ASAP1: variants seen among roughly 807,000 people sequenced by gnomAD.
The protein encoded by ASAP1 is ArfGAP with SH3 domain, ankyrin repeat and PH domain 1, also known as arf-GAP with SH3 domain, ANK repeat and PH domain-containing protein 1.
Under a neutral mutation model 145.2 loss-of-function variants are expected in ASAP1, and 43 were observed. The observed-to-expected ratio is 0.30, with a 90% CI of 0.23 to 0.38. The LOEUF (loss-of-function observed/expected upper bound fraction) is 0.38. Among genes scored for constraint, ASAP1 ranks in the 10% least tolerant of loss-of-function variants. The pLI is 1.00. For missense variants in ASAP1, 1,018 were observed against 1,355.3 expected (o/e 0.75, Z 3.91); for synonymous variants, 546 against 515.5 (o/e 1.06, Z -0.80).
In ASAP1 at chr8:130,139,545, G is replaced by GT. The variant is rs755260154; in HGVS notation, c.1081-2508_1081-2507insA. Among the ~76,000 whole-genome samples the GT allele has an allele frequency of 3.0e-3, 454 of 152,170 alleles. 2 individuals are homozygous for GT. The highest frequency in any genetic ancestry group is 5.1e-3 in the Non-Finnish European group (348 of 67,996). On this transcript the variant is annotated intron_variant, in intron 13 of 29. Coordinates refer to ENST00000518721, the MANE Select transcript of ASAP1 (RefSeq NM_018482.4). ...GTTCAAGACCAGCCTGGCCAACGTG[G>GT]CGAAACCCCGTTGTCTCTACTGAAA... is the stretch of plus-strand genomic sequence containing the variant.
chr8:130,300,149 C>CAGAGAGAGAGAG (rs1248977728), intron 3 of ASAP1, among the ~76,000 whole-genome samples: 75 of 88,684 alleles, frequency 8.5e-4, no homozygotes, highest in African/African-American at 3.0e-3. Context: ...CACACACACA[C>CAGAGAGAGAGAG]ACACAGAGAG....
At chr8:130,359,451 A>G (rs1017368888) in intron 2 of ASAP1, among the ~76,000 whole-genome samples, 10 of 150,496 alleles carry the variant, frequency 6.6e-5, no homozygotes, top group Admixed American at 5.9e-4. Context: ...GAAGAAGAAG[A>G]AAAAAAAAGC....
intron 13 of ASAP1, among the ~76,000 whole-genome samples, chr8:130,148,432 T>C (rs902412870): frequency 5.3e-5 from 8 of 152,222 alleles, no homozygotes; most frequent in African/African-American, 1.7e-4. Flanking sequence ...ATGAGTAAGA[T>C]GCGGTCCCTA....
chr8:130,134,943 C>T (rs2097591094), intron 14 of ASAP1, among the ~76,000 whole-genome samples: 1 of 152,184 alleles, frequency 6.6e-6, no homozygotes, highest in Non-Finnish European at 1.5e-5. Flanking sequence ...ACATACTATG[C>T]CCCAGATGTT....
chr8:130,090,387 CT>C (rs2097503041), intron 25 of ASAP1, among the ~76,000 whole-genome samples: 1 of 152,156 alleles, frequency 6.6e-6, no homozygotes. Context: ...GGGGAAAGGC[CT>C]TTTTGATGAA....
chr8:130,144,979 A>C (rs1433710303), intron 13 of ASAP1, among the ~76,000 whole-genome samples: 2 of 152,224 alleles, frequency 1.3e-5, no homozygotes, highest in African/African-American at 4.8e-5. Flanking sequence ...TGTTCCACTC[A>C]AATCAACATT....
At chr8:130,294,591 T>G (rs1822146983) in intron 3 of ASAP1, among the ~76,000 whole-genome samples, 1 of 152,252 alleles carries the variant, frequency 6.6e-6, no homozygotes, top group African/African-American at 2.4e-5. Context: ...ATCTAAAGTA[T>G]GTTTAAGTGT....
At chr8:130,211,872 C>T (rs16904218) in intron 5 of ASAP1, among the ~76,000 whole-genome samples, 3,936 of 152,246 alleles carry the variant, frequency 0.026, 167 homozygotes, top group African/African-American at 0.089. Context: ...ACGTTTCTGG[C>T]CTTCACTAGC....
intron 11 of ASAP1, among the ~76,000 whole-genome samples, chr8:130,166,282 T>C (rs910236617): frequency 6.6e-6 from 1 of 152,204 alleles, no homozygotes; most frequent in African/African-American, 2.4e-5. Flanking sequence ...ATGTTTGGAT[T>C]ACAGGCATGA....
At chr8:130,282,692 G>A (rs1188554034) in intron 3 of ASAP1, among the ~76,000 whole-genome samples, 1 of 152,068 alleles carries the variant, frequency 6.6e-6, no homozygotes, top group African/African-American at 2.4e-5. Flanking sequence ...CCACATTATT[G>A]GGGAAAATAT....
At chr8:130,442,692 A>G (rs913492362) in intron 1 of ASAP1, among the ~76,000 whole-genome samples, 4 of 152,228 alleles carry the variant, frequency 2.6e-5, no homozygotes, top group African/African-American at 9.6e-5. Flanking sequence ...TCTGCAGTTG[A>G]CCATCCTTCT....
intron 25 of ASAP1, among the ~76,000 whole-genome samples, chr8:130,085,243 C>T (rs1339731556): frequency 2.0e-5 from 3 of 152,200 alleles, no homozygotes; most frequent in African/African-American, 4.8e-5. Flanking sequence ...TCTCTTTGCT[C>T]TTGCCTGTAA....
chr8:130,386,105 C>T (rs541489565), intron 2 of ASAP1, among the ~76,000 whole-genome samples: 1 of 152,254 alleles, frequency 6.6e-6, no homozygotes, highest in South Asian at 2.1e-4. Flanking sequence ...GTCTTTAAAC[C>T]GGTGGCTTTA....
chr8:130,417,519 T>C (rs1016316506), intron 1 of ASAP1, among the ~76,000 whole-genome samples: 2 of 151,874 alleles, frequency 1.3e-5, no homozygotes, highest in East Asian at 3.9e-4. Context: ...AGTTCAGAGA[T>C]TGTTGTGAAA....
At chr8:130,387,528 T>C (rs1321518972) in intron 2 of ASAP1, among the ~76,000 whole-genome samples, 12 of 146,788 alleles carry the variant, frequency 8.2e-5, no homozygotes, top group Admixed American at 7.6e-4. Context: ...AGAGTGAGAC[T>C]CCATCAAGAA....
At chr8:130,181,031 T>C in intron 7 of ASAP1, 151 bp from the exon 8 acceptor site, 1 of 337,902 alleles carries the variant, frequency 3.0e-6, no homozygotes. Flanking sequence ...CTGGTGGGGG[T>C]CAGTGATAAC....
At chr8:130,284,911 G>C (rs988210781) in intron 3 of ASAP1, among the ~76,000 whole-genome samples, 14 of 151,894 alleles carry the variant, frequency 9.2e-5, no homozygotes, top group Middle Eastern at 3.4e-3. Context: ...AAGAGAGAGA[G>C]AGACAGAGAG....
chr8:130,346,347 A>G (rs192990974), intron 3 of ASAP1, among the ~76,000 whole-genome samples: 54 of 152,354 alleles, frequency 3.5e-4, no homozygotes, highest in African/African-American at 1.3e-3. Context: ...GGTATTTAAT[A>G]CACTGTCAGG....
chr8:130,205,960 A>G (rs1401897459), intron 5 of ASAP1, among the ~76,000 whole-genome samples: 1 of 152,212 alleles, frequency 6.6e-6, no homozygotes, highest in East Asian at 1.9e-4. Context: ...CAAATCCATA[A>G]AATTGTTTCA....
Sources: gnomAD v4.1 joint callset for allele counts (sites outside exome capture counted in the v4.1 genomes callset) on GRCh38, gnomAD v4.1.1 for gene constraint, MANE v1.5 for transcripts, NCBI Gene and HGNC (gene_info 2026-07-23, HGNC 2026-07-21) for gene names.